Variants in TLK2 observed in about 807,000 individuals in gnomAD.
TLK2 encodes the protein tousled like kinase 2, also known as serine/threonine-protein kinase tousled-like 2.
In TLK2, 6 loss-of-function variants were observed where a neutral mutation model predicts 117.3. The observed-to-expected ratio is 0.05, with a 90% CI of 0.03 to 0.10. The LOEUF is 0.10. Ranked by LOEUF, TLK2 falls within the 10% of genes least tolerant of loss-of-function variation. The probability of loss-of-function intolerance (pLI) is 1.00; values close to 1 mark genes in which losing one functional copy is unlikely to be tolerated. For missense variants in TLK2, 299 were observed against 901.2 expected (o/e 0.33, Z 8.56); for synonymous variants, 257 against 316.7 (o/e 0.81, Z 2.00).
chr17:62,531,780 C>T (rs557095369), intron 6 of TLK2, among the ~76,000 whole-genome samples: 40 of 152,318 alleles, frequency 2.6e-4, no homozygotes, highest in African/African-American at 9.4e-4. Flanking sequence ...CTTATTTCAA[C>T]TGCTAGGAAA....
intron 2 of TLK2, among the ~76,000 whole-genome samples, chr17:62,512,988 C>T (rs1253288499): frequency 1.3e-5 from 2 of 151,332 alleles, no homozygotes; most frequent in Non-Finnish European, 2.9e-5. Flanking sequence ...AAGCGATTCT[C>T]CTGCCTCAGC....
intron 16 of TLK2, among the ~76,000 whole-genome samples, chr17:62,594,430 A>G (rs1378872274): frequency 6.6e-6 from 1 of 152,156 alleles, no homozygotes; most frequent in Admixed American, 6.5e-5. Flanking sequence ...AGTGCAGTAC[A>G]TAAGCCCTCA....
At chr17:62,587,114 G>A (rs375977367) in intron 16 of TLK2, among the ~76,000 whole-genome samples, 1 of 151,988 alleles carries the variant, frequency 6.6e-6, no homozygotes, top group African/African-American at 2.4e-5. Flanking sequence ...GGGGTAGAGA[G>A]GGGGGGCTTC....
chr17:62,517,783 C>G (rs533770451), intron 2 of TLK2, among the ~76,000 whole-genome samples: 1 of 152,180 alleles, frequency 6.6e-6, no homozygotes, highest in Non-Finnish European at 1.5e-5. Context: ...CTGCAACCTT[C>G]ACCTCCCAGG....
chr17:62,488,288 T>C (rs1359275925), intron 2 of TLK2, among the ~76,000 whole-genome samples: 1 of 152,218 alleles, frequency 6.6e-6, no homozygotes, highest in Non-Finnish European at 1.5e-5. Flanking sequence ...CATCACATTA[T>C]ATAATCAAAT....
intron 2 of TLK2, among the ~76,000 whole-genome samples, chr17:62,491,674 C>T (rs1379612854): frequency 6.6e-5 from 10 of 152,284 alleles, no homozygotes; most frequent in Admixed American, 2.0e-4. Context: ...CTGCAAGCTC[C>T]GCTTCCTGGG....
intron 16 of TLK2, among the ~76,000 whole-genome samples, chr17:62,595,283 C>CTTT (rs770158122): frequency 3.7e-5 from 5 of 133,334 alleles, no homozygotes; most frequent in Admixed American, 7.5e-5. Flanking sequence ...GCCTGGCCCC[C>CTTT]TTTTTTTTTT....
At chr17:62,557,122 A>C (rs1407993306) in intron 9 of TLK2, among the ~76,000 whole-genome samples, 1 of 152,144 alleles carries the variant, frequency 6.6e-6, no homozygotes, top group African/African-American at 2.4e-5. Flanking sequence ...ACAGGGTCTC[A>C]TTATGTTGTC....
chr17:62,539,143 CAATGTT>C (rs2077322925), intron 7 of TLK2, among the ~76,000 whole-genome samples: 1 of 152,092 alleles, frequency 6.6e-6, no homozygotes, highest in African/African-American at 2.4e-5. Flanking sequence ...TAATGTATCT[CAATGTT>C]AAGTTTACAT....
Position 62,600,547 on chromosome 17 carries a change from G to A in TLK2, c.1551-104G>A. 3.4e-6 allele frequency: 3 copies of A among 891,506 alleles called. No individual in the cohort carries two copies. The Middle Eastern group carries it at 1.1e-3, about 325-fold the overall frequency. 55.2% of individuals were successfully genotyped at this position (891,506 alleles called of 1,614,324 possible). A position where few individuals can be genotyped will look rare whatever the true frequency, so the allele number is the denominator to read the frequency against. On this transcript the variant is annotated intron_variant, in intron 17 of 21. Transcript: ENST00000346027. ...GTATTTTAAGGAACAAAGAAGAAAG[G>A]AGTGAGAAGCTGATGACCTGAAGTT... is the stretch of plus-strand genomic sequence containing the variant.
At chr17:62,478,685 C>CGGGGA, upstream of TLK2, among the ~76,000 whole-genome samples, 1 of 2,820 alleles carries the variant, frequency 3.5e-4, no homozygotes. Context: ...GCAGCGGGGA[C>CGGGGA]CCCCCCCCAC....
chr17:62,606,436 G>A (rs2083305327), intron 20 of TLK2, among the ~76,000 whole-genome samples, 195 bp downstream of exon 20: 1 of 152,102 alleles, frequency 6.6e-6, no homozygotes, highest in Non-Finnish European at 1.5e-5. Flanking sequence ...TCAACCCTAG[G>A]GCACCTAATG....
chr17:62,520,625 C>T (rs2430926), intron 2 of TLK2, 148 bp from the exon 3 acceptor site: 212,632 of 680,970 alleles, frequency 0.31, 35,822 homozygotes, highest in Admixed American at 0.39. Flanking sequence ...TGCAGTGAGC[C>T]GAGATCACGC....
intron 7 of TLK2, among the ~76,000 whole-genome samples, chr17:62,546,729 A>G (rs549641080): frequency 1.0e-3 from 155 of 150,574 alleles, no homozygotes; most frequent in Non-Finnish European, 1.8e-3. Context: ...CTAATTTTTA[A>G]AAATATTTTT....
chr17:62,608,251 G>A (rs2083459540), intron 21 of TLK2, 103 bp downstream of exon 21: 13 of 858,844 alleles, frequency 1.5e-5, no homozygotes, highest in Admixed American at 2.8e-5. Flanking sequence ...AAATTCAGCA[G>A]TTAATAAAAA....
At chr17:62,581,438 CTTTT>C (rs11334252) in intron 15 of TLK2, among the ~76,000 whole-genome samples, 7 of 121,288 alleles carry the variant, frequency 5.8e-5, no homozygotes, top group Admixed American at 2.4e-4. Context: ...ATTCTAGTAT[CTTTT>C]TTTTTTTTTT....
intron 2 of TLK2, among the ~76,000 whole-genome samples, chr17:62,518,342 A>T (rs1317671982): frequency 1.3e-5 from 2 of 152,260 alleles, no homozygotes; most frequent in African/African-American, 4.8e-5. Flanking sequence ...GGTATAAATT[A>T]TAGAAAGGAA....
At chr17:62,553,079 G>A (rs2078595733) in intron 8 of TLK2, among the ~76,000 whole-genome samples, 1 of 152,036 alleles carries the variant, frequency 6.6e-6, no homozygotes, top group Non-Finnish European at 1.5e-5. Flanking sequence ...GAGTATACTG[G>A]GTTTTCTTGA....
At chr17:62,475,699 AC>A (rs1218893132), upstream of TLK2, among the ~76,000 whole-genome samples, 1 of 146,340 alleles carries the variant, frequency 6.8e-6, no homozygotes, top group Non-Finnish European at 1.5e-5. Flanking sequence ...TCGCTCTGTC[AC>A]CCAGGCTGGA....
Sources: allele counts gnomAD v4.1 joint callset (sites outside exome capture counted in the v4.1 genomes callset), GRCh38; gene constraint gnomAD v4.1.1; transcripts MANE v1.5; gene names NCBI Gene and HGNC (gene_info 2026-07-23, HGNC 2026-07-21).